RREB1: variants seen among roughly 807,000 people sequenced by gnomAD.
RREB1 encodes ras-responsive element-binding protein 1.
RREB1 carries 27 observed loss-of-function variants against 117.8 expected under a neutral mutation model. The observed-to-expected ratio is 0.23, with a 90% confidence interval of 0.17 to 0.32. The LOEUF (loss-of-function observed/expected upper bound fraction) is 0.32, where lower values mean the gene tolerates loss of function less well. Among genes scored for constraint, RREB1 ranks in the 10% least tolerant of loss-of-function variants. RREB1 has a pLI of 1.00. For missense variants in RREB1, 2,577 were observed against 2,378.2 expected (o/e 1.08, Z -1.74); for synonymous variants, 1,298 against 1,026.7 (o/e 1.26, Z -5.05).
At chr6:7,198,932 A>G (rs1765798889) in intron 6 of RREB1, among the ~76,000 whole-genome samples, 1 of 152,186 alleles carries the variant, frequency 6.6e-6, no homozygotes, top group Non-Finnish European at 1.5e-5. Flanking sequence ...AGACATGGAG[A>G]AAAAGAGCGG....
rs1288112153 is a variant in RREB1, at chr6:7,248,800, G to C, written c.5061G>C (p.Arg1687Ser). Residue 1687 changes from arginine to serine, a missense_variant, in exon 13 of 13, where the codon AGG (arginine) becomes AGC (serine). Physicochemically the swap from Arg to Ser is moderately radical, Grantham distance 110. Coordinates refer to ENST00000379938, the MANE Select transcript of RREB1 (RefSeq NM_001003699.4). ...LASATKDCSH[R>S]EEKVTAGWPS... is the part of the protein sequence containing the mutation. ...GTGCCACCAAGGACTGCAGCCACAGGGAGGAGAAGGTCACGGCAGGGTGGC... is the reference window on the plus strand; with the variant it reads ...GTGCCACCAAGGACTGCAGCCACAGCGAGGAGAAGGTCACGGCAGGGTGGC... 6.2e-7 allele frequency: 1 copy of C among 1,613,952 alleles called. No individual in the cohort carries two copies. The highest frequency in any genetic ancestry group is 1.1e-5 in the South Asian group (1 of 91,078).
intron 6 of RREB1, among the ~76,000 whole-genome samples, chr6:7,207,999 G>A (rs530625954): frequency 1.2e-4 from 18 of 152,322 alleles, no homozygotes; most frequent in African/African-American, 4.1e-4. Flanking sequence ...CCTCCAGTCT[G>A]CTGTGGAGAG....
At chr6:7,206,747 C>T (rs1766295729) in intron 6 of RREB1, among the ~76,000 whole-genome samples, 3 of 152,292 alleles carry the variant, frequency 2.0e-5, no homozygotes, top group East Asian at 1.9e-4. Flanking sequence ...GCAGGTGAGG[C>T]GCGTGGCACG....
chr6:7,246,603 G>A lies in RREB1; in HGVS notation c.4153G>A (p.Gly1385Arg), dbSNP rs961528413. Reference protein sequence around the residue: ...SPVHREEHGRGESHEPEEEHG... With the variant: ...SPVHREEHGRRESHEPEEEHG... ...GGTGCACCGGGAAGAGCACGGGCGTGGGGAGAGCCATGAGCCGGAGGAGGA... is the reference window on the plus strand; with the variant it reads ...GGTGCACCGGGAAGAGCACGGGCGTAGGGAGAGCCATGAGCCGGAGGAGGA... The change falls in exon 12 of 13, where the codon GGG becomes AGG. Residue 1385 changes from glycine (G) to arginine (R), a missense_variant. Gly to Arg is a moderately radical substitution (Grantham distance 125, BLOSUM62 -2). Transcript: ENST00000379938. 1.3e-6 allele frequency: 2 copies of A among 1,559,744 alleles called. No individual in the cohort carries two copies. The highest frequency in any genetic ancestry group is 1.9e-5 in the Admixed American group (1 of 52,090).
chr6:7,217,198 AGTTG>A (rs564438324), intron 8 of RREB1: 26 of 152,396 alleles, frequency 1.7e-4, no homozygotes, highest in African/African-American at 6.3e-4. Context: ...AGAATGTGTG[AGTTG>A]GTTGGGACTC....
At chr6:7,111,662 T>G (rs957343581) in intron 1 of RREB1, among the ~76,000 whole-genome samples, 1 of 152,218 alleles carries the variant, frequency 6.6e-6, no homozygotes, top group Admixed American at 6.5e-5. Flanking sequence ...TGTTAAAGTT[T>G]GTTTTGGTTT....
intron 1 of RREB1, among the ~76,000 whole-genome samples, chr6:7,123,154 T>C (rs1212172351): frequency 6.6e-6 from 1 of 151,964 alleles, no homozygotes; most frequent in Admixed American, 6.6e-5. Flanking sequence ...GTGAATGAAG[T>C]TGAATGTGTT....
At position 7,229,664 on chromosome 6, in the gene RREB1, C is replaced by T. The variant is rs1208267419; in HGVS notation, c.1565C>T (p.Ser522Phe). ...ACACCACGGACGGTGGTGGCCACCT[C>T]CACGCCCCCGCCTCTCATCAACGCC... The part of the protein sequence containing the change: ...LVTPRTVVAT[S>F]TPPPLINAQQ... The change falls in exon 10 of 13, where the codon TCC becomes TTC. Residue 522 changes from serine (S) to phenylalanine (F), a missense_variant. By Grantham distance (155) the Ser-to-Phe change is radical (BLOSUM62 -2). Transcript: ENST00000379938. This position sits in a 1 kb window ranked among gnomAD's most constrained non-coding sequence, Gnocchi z 4.5. 9 of 1,611,624 alleles carry T rather than the reference C, an allele frequency of 5.6e-6. No individual in the cohort carries two copies. Among genetic ancestry groups the T allele is most frequent in the Non-Finnish European group, 5.9e-6 (7 of 1,179,190 alleles).
chr6:7,249,157 CGG>C lies in RREB1; in HGVS notation c.*191_*192del, dbSNP rs1052052489. Reference sequence around the variant, plus strand: ...TGCCATAGCCTTACCGCAGCCTGCGCGGGAGGCCACAGCCCGTGCCGATTCCA... The same window carrying C: ...TGCCATAGCCTTACCGCAGCCTGCGCGAGGCCACAGCCCGTGCCGATTCCA... On this transcript the variant is annotated 3_prime_UTR_variant, in exon 13 of 13. Transcript: ENST00000379938. 1.5e-5 allele frequency: 8 copies of C among 544,708 alleles called. No homozygotes were observed. Among genetic ancestry groups the C allele is most frequent in the Admixed American group, 1.4e-4 (4 of 27,818 alleles). 33.7% of individuals were successfully genotyped at this position (544,708 alleles called of 1,614,324 possible).
At chr6:7,175,626 G>A (rs903686537) in intron 1 of RREB1, among the ~76,000 whole-genome samples, 1 of 152,222 alleles carries the variant, frequency 6.6e-6, no homozygotes, top group African/African-American at 2.4e-5. Context: ...CGTTAGCTGA[G>A]GGAGGCTGTG....
At chr6:7,123,346 G>A (rs1761762830) in intron 1 of RREB1, among the ~76,000 whole-genome samples, 1 of 152,020 alleles carries the variant, frequency 6.6e-6, no homozygotes, top group African/African-American at 2.4e-5. Flanking sequence ...TATTTTAATG[G>A]AGACAGGGTT....
intron 1 of RREB1, among the ~76,000 whole-genome samples, chr6:7,129,473 G>A (rs1561732932): frequency 6.6e-6 from 1 of 152,232 alleles, no homozygotes; most frequent in Admixed American, 6.5e-5. Context: ...TGTGCTTTGG[G>A]TGACTGCCGT....
At chr6:7,236,954 G>T (rs1275815951) in intron 10 of RREB1, among the ~76,000 whole-genome samples, 1 of 128,104 alleles carries the variant, frequency 7.8e-6, no homozygotes, top group African/African-American at 3.0e-5. Context: ...GAGTGCCTGT[G>T]TGCACCCTGG....
At chr6:7,120,813 ATT>A (rs754044532) in intron 1 of RREB1, among the ~76,000 whole-genome samples, 21 of 109,636 alleles carry the variant, frequency 1.9e-4, no homozygotes, top group South Asian at 1.7e-3. Flanking sequence ...CGCTTGGCTA[ATT>A]TTTTTTTTTT....
chr6:7,171,828 G>T (rs1219003896), intron 1 of RREB1, among the ~76,000 whole-genome samples: 1 of 152,134 alleles, frequency 6.6e-6, no homozygotes, highest in Non-Finnish European at 1.5e-5. Context: ...GATATTCTGG[G>T]GCAAGGAACT....
At position 7,229,614 on chromosome 6, in the gene RREB1, C is replaced by T; in HGVS notation, c.1515C>T (p.Pro505=). Residue 505 remains proline, a synonymous_variant, in exon 10 of 13, where the codon CCC becomes CCT. Coordinates refer to ENST00000379938, the MANE Select transcript of RREB1 (RefSeq NM_001003699.4). The surrounding 1 kb of genome is among the most constrained non-coding windows in gnomAD (Gnocchi z 4.5). ...TGCAGGCGATCTTCAAGCACATGCCCCCTCTGAAGCCAAAGCCCCTGGTCA... is the reference window on the plus strand; with the variant it reads ...TGCAGGCGATCTTCAAGCACATGCCTCCTCTGAAGCCAAAGCCCCTGGTCA... ...APLQAIFKHM[P]PLKPKPLVTP... 4 of 1,612,816 alleles carry T rather than the reference C, an allele frequency of 2.5e-6. No homozygotes were observed. The highest frequency in any genetic ancestry group is 3.4e-6 in the Non-Finnish European group (4 of 1,179,338).
intron 10 of RREB1, among the ~76,000 whole-genome samples, chr6:7,236,849 A>T (rs2113148474): frequency 7.0e-6 from 1 of 142,794 alleles, no homozygotes; most frequent in Non-Finnish European, 1.5e-5. Flanking sequence ...GTTCTGGGAG[A>T]GTAAACACTG....
At position 7,229,390 on chromosome 6, in the gene RREB1, A is replaced by C. The variant is rs138825803; in HGVS notation, c.1291A>C (p.Lys431Gln). Residue 431 changes from lysine to glutamine, a missense_variant, in exon 10 of 13, where the codon AAG becomes CAG. Coordinates refer to ENST00000379938, the MANE Select transcript of RREB1 (RefSeq NM_001003699.4). This position sits in a 1 kb window ranked among gnomAD's most constrained non-coding sequence, Gnocchi z 4.5. Reference protein sequence around the residue: ...GGSLTVLPATKDSIKHLSLQP... With the variant: ...GGSLTVLPATQDSIKHLSLQP... ...TTCTCTCACAGTTCTCCCCGCGACC[A>C]AGGACAGCATAAAGCACCTGTCCCT... 1 of 1,614,008 alleles carries C rather than the reference A, an allele frequency of 6.2e-7. No homozygotes were observed. Among genetic ancestry groups the C allele is most frequent in the Admixed American group, 1.7e-5 (1 of 60,002 alleles).
At chr6:7,181,592 A>T in intron 3 of RREB1, 1 of 566,758 alleles carries the variant, frequency 1.8e-6, no homozygotes, top group Non-Finnish European at 3.1e-6. Flanking sequence ...CCTAACCCAG[A>T]TTAGGAAAGG....
Sources: gnomAD v4.1 joint callset for allele counts (sites outside exome capture counted in the v4.1 genomes callset) on GRCh38, gnomAD v4.1.1 for gene constraint, Gnocchi (gnomAD v3.1) non-coding constraint, MANE v1.5 for transcripts, NCBI Gene and HGNC (gene_info 2026-07-23, HGNC 2026-07-21) for gene names.